PLEKHG1: variants seen among roughly 807,000 people sequenced by gnomAD.
PLEKHG1 encodes pleckstrin homology domain-containing family G member 1.
A neutral mutation model predicts 100.8 loss-of-function variants in PLEKHG1; 44 were observed. The ratio of observed to expected loss-of-function variants is 0.44; its 90% CI spans 0.34 to 0.56. PLEKHG1 has a LOEUF of 0.56. PLEKHG1 is among the 20% of genes least tolerant of loss of function. The probability of loss-of-function intolerance (pLI) is 0.01; values close to 1 mark genes in which losing one functional copy is unlikely to be tolerated. For missense variants in PLEKHG1, 1,545 were observed against 1,720.9 expected (o/e 0.90, Z 1.81); for synonymous variants, 640 against 662.5 (o/e 0.97, Z 0.52).
At position 150,616,148 on chromosome 6, in the gene PLEKHG1, AAAAC is replaced by A. The variant is rs547445381; in HGVS notation, c.-204+16137_-204+16140del. ...TGAGCTAGGACTGCAAGTGAGAAAA[AAAAC>A]AAACAGTGGTTGAGAAGAGAAATTC... On this transcript the variant is annotated intron_variant, in intron 1 of 3. Coordinates refer to the PLEKHG1 transcript ENST00000367326. Among the ~76,000 whole-genome samples the A allele has an allele frequency of 9.2e-5, 14 of 152,308 alleles. No homozygotes were observed. The East Asian group carries it at 2.7e-3, about 29-fold the overall frequency.
intron 3 of PLEKHG1, among the ~76,000 whole-genome samples, chr6:150,703,141 A>G (rs1489443898): frequency 6.6e-6 from 1 of 151,798 alleles, no homozygotes; most frequent in Non-Finnish European, 1.5e-5. Flanking sequence ...CCCAGGTTTT[A>G]GCCTCATAAT....
intron 3 of PLEKHG1, among the ~76,000 whole-genome samples, chr6:150,707,677 A>G (rs1781080101): frequency 6.6e-6 from 1 of 152,060 alleles, no homozygotes; most frequent in Non-Finnish European, 1.5e-5. Flanking sequence ...TGTTTTTTTA[A>G]TGCAGAGTAT....
chr6:150,654,973 T>A (rs1778907817), intron 3 of PLEKHG1, among the ~76,000 whole-genome samples: 1 of 152,264 alleles, frequency 6.6e-6, no homozygotes, highest in African/African-American at 2.4e-5. Context: ...AACCTCCTGA[T>A]TATTGCCTGG....
Position 150,830,602 on chromosome 6 carries a change from TC to T in PLEKHG1, c.1495del (p.Gln499SerfsTer21). 1 of 1,594,948 alleles carries T rather than the reference TC, an allele frequency of 6.3e-7. No individual in the cohort carries two copies. On this transcript the variant is annotated frameshift_variant, in exon 15 of 16. Transcript: ENST00000358517. LOFTEE classifies it high-confidence loss of function. ...CTCAGGTTTCTAGAGAGGAAGGATC[TC>T]CCCAGCTGTCTTCAGCAAGGCCGTC...
chr6:150,790,854 T>A (rs1208214699), intron 4 of PLEKHG1, among the ~76,000 whole-genome samples: 2 of 151,888 alleles, frequency 1.3e-5, no homozygotes, highest in Non-Finnish European at 1.5e-5. Context: ...AAACCCCATC[T>A]CTACTAAAAA....
In PLEKHG1 at chr6:150,783,011, G is replaced by A. The variant is rs113827660; in HGVS notation, c.513-3379G>A. On this transcript the variant is annotated intron_variant, in intron 3 of 15. Coordinates refer to ENST00000358517, the Ensembl canonical transcript of PLEKHG1. ...AAATCATTATGATCATCATCATGGC[G>A]AGTTTGGAAATAAGGGAAGATTTTG... 4.4e-4 allele frequency among the ~76,000 whole-genome samples: 67 copies of A among 152,080 alleles called. 1 individual carries two copies. Among genetic ancestry groups the A allele is most frequent in the African/African-American group, 1.4e-3 (57 of 41,484 alleles).
chr6:150,786,482 G>A, intron 4 of PLEKHG1, 23 bp downstream of exon 5: 1 of 1,488,514 alleles, frequency 6.7e-7, no homozygotes, highest in Non-Finnish European at 9.4e-7. Context: ...CATCCTTCTG[G>A]GCCAACTGAG....
At position 150,831,125 on chromosome 6, in the gene PLEKHG1, A is replaced by G. The variant is rs772873933; in HGVS notation, c.2014A>G (p.Met672Val). ...CATCAGTTATGAGGACTTAAAACTA[A>G]TGGTTGCTAAGCGGGAAGAAGCTGA... is the stretch of plus-strand genomic sequence containing the variant. The change falls in exon 15 of 16, where the codon ATG becomes GTG. Residue 672 changes from methionine (M) to valine (V), a missense_variant. Coordinates refer to ENST00000358517, the Ensembl canonical transcript of PLEKHG1. The surrounding 1 kb of genome is among the most constrained non-coding windows in gnomAD (Gnocchi z 4.1). 2.5e-6 allele frequency: 4 copies of G among 1,613,938 alleles called. No homozygotes were observed. The highest frequency in any genetic ancestry group is 4.5e-5 in the East Asian group (2 of 44,878).
chr6:150,658,921 A>G (rs1326667989), intron 3 of PLEKHG1, among the ~76,000 whole-genome samples: 1 of 152,226 alleles, frequency 6.6e-6, no homozygotes, highest in Non-Finnish European at 1.5e-5. Flanking sequence ...TAATTCTTTT[A>G]GCCTTGTGCA....
chr6:150,693,593 C>T (rs566114870), intron 3 of PLEKHG1, among the ~76,000 whole-genome samples: 18 of 152,182 alleles, frequency 1.2e-4, no homozygotes, highest in Non-Finnish European at 1.3e-4. Flanking sequence ...TCAGGCTAAC[C>T]ACTCCCCCAT....
chr6:150,809,554 A>G, intron 9 of PLEKHG1, 78 bp downstream of exon 10: 3 of 1,510,878 alleles, frequency 2.0e-6, no homozygotes, highest in South Asian at 2.2e-5. Context: ...GCTTTTTGAG[A>G]GCGTTCTGGC....
Position 150,636,295 on chromosome 6 carries a change from A to ATT in PLEKHG1, c.-203-1785_-203-1784insTT, listed in dbSNP as rs1205255691. On this transcript the variant is annotated intron_variant, in intron 1 of 3. Transcript: ENST00000367326. ...GTATGTAACTCATGACTTTTTTTAA[A>ATT]AAAAAAAGCTAGTGTAACACATGAC... 7.6e-4 allele frequency among the ~76,000 whole-genome samples: 115 copies of ATT among 151,300 alleles called. 1 individual carries two copies. The highest frequency in any genetic ancestry group is 6.1e-3 in the Admixed American group (92 of 15,134).
chr6:150,682,000 A>G (rs1478340506), intron 3 of PLEKHG1, among the ~76,000 whole-genome samples: 2 of 152,166 alleles, frequency 1.3e-5, no homozygotes, highest in Non-Finnish European at 2.9e-5. Flanking sequence ...CTATTAACAC[A>G]AAGACTCTGC....
At chr6:150,808,334 T>C (rs1012522279) in intron 7 of PLEKHG1, among the ~76,000 whole-genome samples, 1 of 152,142 alleles carries the variant, frequency 6.6e-6, no homozygotes, top group Non-Finnish European at 1.5e-5. Context: ...GTGGGTGATT[T>C]TATATAGGCT....
At chr6:150,644,607 G>A (rs1413036337) in intron 2 of PLEKHG1, among the ~76,000 whole-genome samples, 1 of 152,006 alleles carries the variant, frequency 6.6e-6, no homozygotes, top group Non-Finnish European at 1.5e-5. Context: ...TGGGATTACA[G>A]GCATGAGCCA....
chr6:150,648,871 TATTTTTA>T (rs1241329830), intron 2 of PLEKHG1, among the ~76,000 whole-genome samples: 1 of 152,184 alleles, frequency 6.6e-6, no homozygotes, highest in Non-Finnish European at 1.5e-5. Flanking sequence ...TTCACAAGGA[TATTTTTA>T]TATAGTATTC....
intron 11 of PLEKHG1, among the ~76,000 whole-genome samples, chr6:150,819,354 C>T (rs1776170013): frequency 6.6e-6 from 1 of 151,868 alleles, no homozygotes; most frequent in Non-Finnish European, 1.5e-5. Flanking sequence ...AACCTGAGGT[C>T]AGGAGTTCAA....
intron 14 of PLEKHG1, among the ~76,000 whole-genome samples, chr6:150,824,717 A>G (rs1225299363): frequency 9.4e-6 from 1 of 106,864 alleles, no homozygotes; most frequent in Non-Finnish European, 2.2e-5. Context: ...TTTAGTAGAG[A>G]CGGGGGTTCA....
At chr6:150,674,684 C>CCCTCTCTCT in intron 3 of PLEKHG1, among the ~76,000 whole-genome samples, 1 of 73,396 alleles carries the variant, frequency 1.4e-5, no homozygotes, top group African/African-American at 5.8e-5. Context: ...TCTCTCTCTC[C>CCCTCTCTCT]CCCCTCTTCT....
Sources: gnomAD v4.1 joint callset for allele counts (sites outside exome capture counted in the v4.1 genomes callset) on GRCh38, gnomAD v4.1.1 for gene constraint, Gnocchi (gnomAD v3.1) non-coding constraint, MANE v1.5 for transcripts, NCBI Gene and HGNC (gene_info 2026-07-23, HGNC 2026-07-21) for gene names.